Variants in TAFA2 observed in about 807,000 individuals in gnomAD.
The protein encoded by TAFA2 is TAFA chemokine like family member 2.
A neutral mutation model predicts 18.8 loss-of-function variants in TAFA2; 7 were observed. The observed-to-expected ratio is 0.37, with a 90% CI of 0.21 to 0.70. The LOEUF (loss-of-function observed/expected upper bound fraction) is 0.70, where lower values mean the gene tolerates loss of function less well. TAFA2 is among the 30% of genes least tolerant of loss of function. The pLI, the probability that TAFA2 is intolerant of heterozygous loss-of-function variation, is 0.53. For synonymous variants in TAFA2, 60 were observed against 54.2 expected (o/e 1.11, Z -0.47); for missense variants, 122 against 158.1 (o/e 0.77, Z 1.23).
intron 2 of TAFA2, among the ~76,000 whole-genome samples, chr12:61,798,715 T>G (rs1871287141): frequency 6.6e-6 from 1 of 152,218 alleles, no homozygotes; most frequent in African/African-American, 2.4e-5. Context: ...GCTGGACAAG[T>G]AATGAGAGTA....
At chr12:61,866,271 G>T (rs1312317138) in intron 2 of TAFA2, among the ~76,000 whole-genome samples, 1 of 152,092 alleles carries the variant, frequency 6.6e-6, no homozygotes, top group Non-Finnish European at 1.5e-5. Flanking sequence ...GAAGAGATTA[G>T]TCTTATAAGT....
intron 2 of TAFA2, among the ~76,000 whole-genome samples, chr12:61,824,753 T>A (rs977483206): frequency 6.6e-6 from 1 of 152,294 alleles, no homozygotes; most frequent in South Asian, 2.1e-4. Context: ...TACTCCTGTT[T>A]TATAAAAACT....
chr12:62,005,704 G>T (rs781633756), intron 1 of TAFA2, among the ~76,000 whole-genome samples: 3 of 152,024 alleles, frequency 2.0e-5, no homozygotes, highest in Admixed American at 6.5e-5. Flanking sequence ...TAGAAAGCAG[G>T]TTCCCTCTCT....
chr12:61,708,714 T>C lies in TAFA2; in HGVS notation c.*1692A>G, dbSNP rs1172600527. The C allele has an allele frequency of 6.6e-6, 1 of 152,134 alleles. No homozygotes were observed. The highest frequency in any genetic ancestry group is 1.9e-4 in the East Asian group (1 of 5,198). 9.4% of individuals were successfully genotyped at this position (152,134 alleles called of 1,614,324 possible). ...CATGAACTTATGAGACAGTGGATTT[T>C]AGTTCAATGTGAGATACATACTTTT... On this transcript the variant is annotated 3_prime_UTR_variant, in exon 5 of 5. Transcript: ENST00000416284.
At chr12:62,151,445 G>C (rs1245538117) in intron 1 of TAFA2, among the ~76,000 whole-genome samples, 1 of 152,218 alleles carries the variant, frequency 6.6e-6, no homozygotes, top group Non-Finnish European at 1.5e-5. Flanking sequence ...CTATAAAAAG[G>C]AAGGTCTTCT....
intron 1 of TAFA2, among the ~76,000 whole-genome samples, chr12:61,906,291 G>C (rs745452181): frequency 8.5e-5 from 13 of 152,168 alleles, no homozygotes; most frequent in Non-Finnish European, 1.5e-4. Context: ...CCAGTGGGAG[G>C]TAACTGAATC....
At chr12:61,997,206 T>C (rs1001486997) in intron 1 of TAFA2, among the ~76,000 whole-genome samples, 4 of 151,028 alleles carry the variant, frequency 2.6e-5, no homozygotes, top group African/African-American at 9.7e-5. Flanking sequence ...TATATATATA[T>C]AACCCATTAA....
At chr12:61,998,568 A>G (rs961219823) in intron 1 of TAFA2, among the ~76,000 whole-genome samples, 6 of 152,176 alleles carry the variant, frequency 3.9e-5, no homozygotes, top group African/African-American at 1.4e-4. Flanking sequence ...AGTGTATACT[A>G]TTATTTTTCC....
chr12:62,096,695 G>T (rs954604090), intron 1 of TAFA2, among the ~76,000 whole-genome samples: 1 of 152,104 alleles, frequency 6.6e-6, no homozygotes, highest in Non-Finnish European at 1.5e-5. Context: ...TGATAACTCA[G>T]TGTCACAAAT....
intron 1 of TAFA2, among the ~76,000 whole-genome samples, chr12:62,028,621 T>A (rs1413700101): frequency 6.6e-6 from 1 of 152,160 alleles, no homozygotes; most frequent in African/African-American, 2.4e-5. Context: ...TCACACAAAT[T>A]GTACAAACTC....
In TAFA2 at chr12:62,108,158, C is replaced by T. The variant is rs760448088; in HGVS notation, c.-2+83101G>A. Among the ~76,000 whole-genome samples the T allele has an allele frequency of 3.3e-5, 5 of 152,136 alleles. No individual in the cohort carries two copies. In the South Asian group the frequency reaches 6.2e-4, roughly 19 times the overall value. ...CTCTAGTCCCCCACCCCCCAACAGGCCCCAGTGTGTGATGTTCCCCTCCCT... is the reference window on the plus strand; with the variant it reads ...CTCTAGTCCCCCACCCCCCAACAGGTCCCAGTGTGTGATGTTCCCCTCCCT... On this transcript the variant is annotated intron_variant, in intron 1 of 4. Transcript: ENST00000416284.
At chr12:62,122,222 G>C (rs1321524626) in intron 1 of TAFA2, among the ~76,000 whole-genome samples, 1 of 152,132 alleles carries the variant, frequency 6.6e-6, no homozygotes, top group Non-Finnish European at 1.5e-5. Flanking sequence ...GAACTTATAA[G>C]TTTTTTTAAA....
intron 1 of TAFA2, among the ~76,000 whole-genome samples, chr12:61,972,339 A>G (rs1879277824): frequency 6.6e-6 from 1 of 151,128 alleles, no homozygotes; most frequent in Non-Finnish European, 1.5e-5. Context: ...TAGCTGGGCC[A>G]GACATCAGTA....
At chr12:61,807,343 C>T (rs10784263) in intron 2 of TAFA2, among the ~76,000 whole-genome samples, 1 of 151,098 alleles carries the variant, frequency 6.6e-6, no homozygotes, top group South Asian at 2.1e-4. Flanking sequence ...AATGCACAGA[C>T]GTCAAGAATT....
chr12:62,049,314 A>G (rs888450713), intron 1 of TAFA2, among the ~76,000 whole-genome samples: 1 of 152,140 alleles, frequency 6.6e-6, no homozygotes, highest in African/African-American at 2.4e-5. Flanking sequence ...AAGACATCCT[A>G]TTTTCATGTG....
At chr12:61,744,429 C>T (rs76414138) in intron 4 of TAFA2, among the ~76,000 whole-genome samples, 4,469 of 152,038 alleles carry the variant, frequency 0.029, 225 homozygotes, top group African/African-American at 0.1. Context: ...GACATAGAGC[C>T]GGATGATATA....
intron 1 of TAFA2, among the ~76,000 whole-genome samples, chr12:62,163,801 T>G (rs1341649036): frequency 6.6e-6 from 1 of 152,084 alleles, no homozygotes; most frequent in Non-Finnish European, 1.5e-5. Flanking sequence ...GCAAAGAATC[T>G]TCAAAAAGCT....
chr12:62,258,915 C>G (rs2062960598), upstream of TAFA2: 1 of 179,618 alleles, frequency 5.6e-6, no homozygotes, highest in African/African-American at 2.4e-5. Flanking sequence ...TTTAACCTGT[C>G]AGGAGAAAAG....
intron 2 of TAFA2, among the ~76,000 whole-genome samples, chr12:61,797,686 G>A (rs1871242913): frequency 6.6e-6 from 1 of 152,032 alleles, no homozygotes; most frequent in African/African-American, 2.4e-5. Flanking sequence ...TTCGGCACTG[G>A]TGAGAACGTT....
Sources: gnomAD v4.1 joint callset for allele counts (sites outside exome capture counted in the v4.1 genomes callset) on GRCh38, gnomAD v4.1.1 for gene constraint, MANE v1.5 for transcripts, NCBI Gene and HGNC (gene_info 2026-07-23, HGNC 2026-07-21) for gene names.